CLDN10: variants seen among roughly 807,000 people sequenced by gnomAD.
CLDN10 encodes the protein claudin 10.
In CLDN10, 15 loss-of-function variants were observed where a neutral mutation model predicts 22.9. The observed-to-expected ratio is 0.65, with a 90% CI of 0.44 to 1.01. The LOEUF is 1.01. CLDN10 is among the 50% of genes least tolerant of loss of function. The pLI is 0.00. For missense variants in CLDN10, 247 were observed against 287.8 expected (o/e 0.86, Z 1.03); for synonymous variants, 114 against 111.4 (o/e 1.02, Z -0.15).
At chr13:95,474,967 A>G (rs2139106901) in intron 1 of CLDN10, among the ~76,000 whole-genome samples, 1 of 152,268 alleles carries the variant, frequency 6.6e-6, no homozygotes, top group East Asian at 1.9e-4. Context: ...ATCTGCCAGT[A>G]TACGTCTCAC....
intron 1 of CLDN10, among the ~76,000 whole-genome samples, chr13:95,446,369 A>G (rs1023246353): frequency 1.3e-5 from 2 of 152,256 alleles, no homozygotes; most frequent in Non-Finnish European, 2.9e-5. Flanking sequence ...ATTGACTTCA[A>G]TAGTTTTGAA....
At chr13:95,517,875 A>G (rs2043186246) in intron 1 of CLDN10, among the ~76,000 whole-genome samples, 1 of 147,364 alleles carries the variant, frequency 6.8e-6, no homozygotes, top group South Asian at 2.2e-4. Flanking sequence ...CAGAGGTTGC[A>G]GTGAGCTGAG....
chr13:95,473,870 C>T (rs1436009848), intron 1 of CLDN10, among the ~76,000 whole-genome samples: 1 of 152,224 alleles, frequency 6.6e-6, no homozygotes, highest in Non-Finnish European at 1.5e-5. Context: ...AACCCCTGCC[C>T]TGAAGGGGCT....
intron 1 of CLDN10, among the ~76,000 whole-genome samples, chr13:95,471,418 T>TACACACACACACAC (rs1219762768): frequency 9.4e-6 from 1 of 106,472 alleles, no homozygotes; most frequent in African/African-American, 3.6e-5. Flanking sequence ...CACACACATA[T>TACACACACACACAC]ACACACACAC....
At chr13:95,550,444 A>C (rs1270849504), upstream of CLDN10, among the ~76,000 whole-genome samples, 2 of 152,222 alleles carry the variant, frequency 1.3e-5, no homozygotes, top group Non-Finnish European at 2.9e-5. Flanking sequence ...TTTGTCTAGT[A>C]AAAACAAAGA....
At chr13:95,471,458 T>A (rs1166678227) in intron 1 of CLDN10, among the ~76,000 whole-genome samples, 22 of 143,142 alleles carry the variant, frequency 1.5e-4, no homozygotes, top group Middle Eastern at 3.6e-3. Context: ...TATATATTTT[T>A]TTTTTTTTTT....
At chr13:95,447,999 C>T (rs2042397046) in intron 1 of CLDN10, among the ~76,000 whole-genome samples, 1 of 152,140 alleles carries the variant, frequency 6.6e-6, no homozygotes, top group Non-Finnish European at 1.5e-5. Flanking sequence ...GTGCCTGCGG[C>T]GAGAGGTGGG....
chr13:95,454,512 C>T (rs2042463601), intron 1 of CLDN10, among the ~76,000 whole-genome samples: 1 of 152,080 alleles, frequency 6.6e-6, no homozygotes, highest in Admixed American at 6.6e-5. Context: ...GAGACAGAAC[C>T]ACTGGTGCAG....
intron 1 of CLDN10, among the ~76,000 whole-genome samples, chr13:95,498,526 C>T (rs929691115): frequency 1.3e-5 from 2 of 152,220 alleles, no homozygotes; most frequent in Admixed American, 1.3e-4. Context: ...TCCCGAGTAG[C>T]TGGGACTACA....
Position 95,446,744 on chromosome 13 carries a change from A to C in CLDN10, c.214+12697A>C, listed in dbSNP as rs549292250. ...GTAATTCCAGCTATTTGGGAGGCTG[A>C]GGCAGGAGAATCGCTTGAACCCAGG... is the stretch of plus-strand genomic sequence containing the variant. On this transcript the variant is annotated intron_variant, in intron 1 of 4. Coordinates refer to the CLDN10 transcript ENST00000376873. Among the ~76,000 whole-genome samples, 176 of 152,308 alleles carry C rather than the reference A, an allele frequency of 1.2e-3. 2 individuals carry two copies. Among genetic ancestry groups the C allele is most frequent in the Non-Finnish European group, 3.8e-4 (26 of 68,022 alleles).
intron 1 of CLDN10, chr13:95,479,399 T>A (rs1312234905): frequency 6.6e-6 from 1 of 152,076 alleles, no homozygotes; most frequent in Non-Finnish European, 1.5e-5. Flanking sequence ...AAGAATGGGT[T>A]TTACTTAATT....
intron 1 of CLDN10, among the ~76,000 whole-genome samples, chr13:95,486,433 T>G (rs4418933): frequency 0.59 from 88,483 of 150,044 alleles, 26,966 homozygotes; most frequent in African/African-American, 0.76. Flanking sequence ...TGAGGCAGGA[T>G]AATCACTTGA....
chr13:95,566,866 AT>A (rs2043794070), intron 3 of CLDN10, among the ~76,000 whole-genome samples: 1 of 152,214 alleles, frequency 6.6e-6, no homozygotes, highest in Non-Finnish European at 1.5e-5. Flanking sequence ...AGCATCATTT[AT>A]TAAATAGGGA....
At chr13:95,493,976 C>T (rs888585545) in intron 1 of CLDN10, among the ~76,000 whole-genome samples, 4 of 152,122 alleles carry the variant, frequency 2.6e-5, no homozygotes, top group African/African-American at 7.2e-5. Flanking sequence ...ATATCATTTT[C>T]GCTCATTCAT....
intron 1 of CLDN10, among the ~76,000 whole-genome samples, chr13:95,514,087 A>G (rs1197255322): frequency 1.3e-5 from 2 of 152,030 alleles, no homozygotes; most frequent in East Asian, 3.9e-4. Context: ...GAGAAACCTC[A>G]TCTTTACAAA....
chr13:95,501,459 G>A (rs1482371586), intron 1 of CLDN10, among the ~76,000 whole-genome samples: 1 of 152,196 alleles, frequency 6.6e-6, no homozygotes, highest in African/African-American at 2.4e-5. Flanking sequence ...GACTACAGGT[G>A]TGTGCCACCA....
Position 95,516,968 on chromosome 13 carries a change from CTCCTTCCTTCCTTCCTTCCTTCCTTCCT to C in CLDN10, c.215-43135_215-43108del, listed in dbSNP as rs59808109. On this transcript the variant is annotated intron_variant, in intron 1 of 4. Coordinates refer to the CLDN10 transcript ENST00000376873. ...GCCATTCTCTAAGTTAATAGATTCT[CTCCTTCCTTCCTTCCTTCCTTCCTTCCT>C]TCCTTCCTTCCTTCCTTCCTTCCTT... is the stretch of plus-strand genomic sequence containing the variant. 1.7e-3 allele frequency among the ~76,000 whole-genome samples: 229 copies of C among 135,516 alleles called. 5 individuals carry two copies. The East Asian group carries it at 0.021, about 12-fold the overall frequency. 88.9% of individuals were successfully genotyped at this position (135,516 alleles called of 152,430 possible). A position where few individuals can be genotyped will look rare whatever the true frequency, so the allele number is the denominator to read the frequency against.
chr13:95,544,725 T>C (rs1487246875), intron 1 of CLDN10, among the ~76,000 whole-genome samples: 1 of 152,100 alleles, frequency 6.6e-6, no homozygotes, highest in Non-Finnish European at 1.5e-5. Context: ...AATATTTTAC[T>C]GGGGAGCATA....
intron 1 of CLDN10, among the ~76,000 whole-genome samples, chr13:95,441,045 C>G (rs780977507): frequency 1.3e-5 from 2 of 152,194 alleles, no homozygotes; most frequent in Non-Finnish European, 2.9e-5. Context: ...TTATCCTGGT[C>G]TCCCCCGTAC....
Sources: gnomAD v4.1 joint callset for allele counts (sites outside exome capture counted in the v4.1 genomes callset) on GRCh38, gnomAD v4.1.1 for gene constraint, MANE v1.5 for transcripts, NCBI Gene and HGNC (gene_info 2026-07-23, HGNC 2026-07-21) for gene names.